Variants in HYDIN observed in about 807,000 individuals in gnomAD.
HYDIN encodes the protein HYDIN axonemal central pair apparatus protein, also known as axonemal central pair apparatus protein HYDIN.
A neutral mutation model predicts 403.9 loss-of-function variants in HYDIN; 132 were observed. The observed-to-expected ratio is 0.33, with a 90% CI of 0.28 to 0.38. The LOEUF is 0.38. Ranked by LOEUF, HYDIN falls within the 10% of genes least tolerant of loss-of-function variation. HYDIN has a pLI of 1.00. For synonymous variants in HYDIN, 1,202 were observed against 1,891.7 expected (o/e 0.64, Z 9.46); for missense variants, 2,827 against 5,009.5 (o/e 0.56, Z 13.15).
Position 70,868,758 on chromosome 16 carries a change from C to A in HYDIN, c.11122G>T (p.Asp3708Tyr), listed in dbSNP as rs765502589. Residue 3708 changes from aspartate to tyrosine, a missense_variant, in exon 66 of 86, where the codon GAC (aspartate) becomes TAC (tyrosine). Transcript: ENST00000393567. The stretch of plus-strand genomic sequence containing the variant: ...TCTGACTTCATGGTCACCACTATGT[C>A]CTTGGCACACCCAGGGTGGAGGTGG... ...MGHLHPGCAK[D>Y]IVVTMKSDVP... 2 of 1,613,946 alleles carry A rather than the reference C, an allele frequency of 1.2e-6. No individual in the cohort carries two copies. Among genetic ancestry groups the A allele is most frequent in the Non-Finnish European group, 1.7e-6 (2 of 1,179,962 alleles).
intron 77 of HYDIN, among the ~76,000 whole-genome samples, chr16:70,836,264 G>A (rs1240470995): frequency 1.3e-5 from 2 of 152,214 alleles, no homozygotes; most frequent in Non-Finnish European, 1.5e-5. Context: ...GCCAGAGGGA[G>A]TGGCCCAGTG....
In HYDIN at chr16:71,024,911, T is replaced by C. The variant is rs567788180; in HGVS notation, c.3186+472A>G. On this transcript the variant is annotated intron_variant, in intron 21 of 85. Coordinates refer to ENST00000393567, the MANE Select transcript of HYDIN (RefSeq NM_001270974.2). ...TCACATCACACGTCATTTCCTTGTG[T>C]GATAACAGAACCTGCTGCATACGGT... Among the ~76,000 whole-genome samples, 52 of 152,360 alleles carry C rather than the reference T, an allele frequency of 3.4e-4. No homozygotes were observed. The South Asian group carries it at 9.7e-3, about 29-fold the overall frequency.
At chr16:70,820,110 G>A (rs1266262389) in intron 83 of HYDIN, among the ~76,000 whole-genome samples, 2 of 148,300 alleles carry the variant, frequency 1.3e-5, no homozygotes, top group African/African-American at 5.0e-5. Context: ...TTGAGCCACC[G>A]CGCCTGGCCT....
chr16:70,894,371 T>C, intron 55 of HYDIN, 78 bp downstream of exon 55: 2 of 1,596,656 alleles, frequency 1.3e-6, no homozygotes, highest in Middle Eastern at 1.7e-4. Context: ...TCAGGTTACC[T>C]GAACACGATC....
At chr16:70,927,389 A>G in intron 45 of HYDIN, among the ~76,000 whole-genome samples, 1 of 136,750 alleles carries the variant, frequency 7.3e-6, no homozygotes, top group East Asian at 2.1e-4. Context: ...TATCACTGCC[A>G]TGGCAACACC....
chr16:71,067,817 T>C (rs2082326604), intron 14 of HYDIN, among the ~76,000 whole-genome samples: 1 of 151,948 alleles, frequency 6.6e-6, no homozygotes, highest in Non-Finnish European at 1.5e-5. Flanking sequence ...TAAATGGAAA[T>C]AACCATGTCA....
At chr16:71,124,247 C>A (rs1267000939) in intron 9 of HYDIN, among the ~76,000 whole-genome samples, 3 of 152,238 alleles carry the variant, frequency 2.0e-5, no homozygotes, top group Admixed American at 2.0e-4. Context: ...GAGAAGGTGA[C>A]GGAAGGGACA....
In HYDIN at chr16:70,805,569, G is replaced by C. The variant is rs1484869655; in HGVS notation, c.*2011C>G. Among the ~76,000 whole-genome samples the C allele has an allele frequency of 6.6e-6, 1 of 152,204 alleles. No individual in the cohort carries two copies. The highest frequency in any genetic ancestry group is 1.9e-4 in the East Asian group (1 of 5,192). ...GGGGCTCAGCAATCTGTTTCAGTAA[G>C]CCCTCCAGGGGATGCTGATGTATAC... On this transcript the variant is annotated 3_prime_UTR_variant, in exon 86 of 86. Coordinates refer to ENST00000393567, the MANE Select transcript of HYDIN (RefSeq NM_001270974.2).
intron 41 of HYDIN, among the ~76,000 whole-genome samples, chr16:70,951,277 AGAGGGAGAGAGG>A (rs1227514004): frequency 9.0e-5 from 13 of 144,678 alleles, no homozygotes; most frequent in African/African-American, 3.5e-4. Context: ...AGAGAGAGAG[AGAGGGAGAGAGG>A]GAGAGAGAGA....
At chr16:71,030,011 C>A (rs181195709) in intron 19 of HYDIN, among the ~76,000 whole-genome samples, 86 of 152,274 alleles carry the variant, frequency 5.6e-4, no homozygotes, top group South Asian at 1.9e-3. Context: ...AGAATCCCCA[C>A]ACATACCCTC....
At position 70,868,612 on chromosome 16, in the gene HYDIN, G is replaced by A. The variant is rs374535957; in HGVS notation, c.11268C>T (p.Asp3756=). The A allele has an allele frequency of 1.2e-4, 193 of 1,613,606 alleles. No individual in the cohort carries two copies. The East Asian group carries it at 2.1e-3, about 17-fold the overall frequency. Residue 3756 remains aspartate (D), a synonymous_variant, in exon 66 of 86, where the codon GAC becomes GAT. Coordinates refer to ENST00000393567, the MANE Select transcript of HYDIN (RefSeq NM_001270974.2). Reference sequence around the variant, plus strand: ...AAGTCCCAGGCATGTTTCTGGGTACGTCCACCCACTTGACTGTGTGCATGC... The same window carrying A: ...AAGTCCCAGGCATGTTTCTGGGTACATCCACCCACTTGACTGTGTGCATGC... ...DDRMHTVKWV[D]VPRNMPGTFT... is the part of the protein sequence containing the mutation.
intron 41 of HYDIN, among the ~76,000 whole-genome samples, chr16:70,949,457 A>G (rs1378099986): frequency 1.3e-5 from 2 of 152,174 alleles, no homozygotes; most frequent in East Asian, 3.8e-4. Context: ...TTAAAGTATA[A>G]TAATAAAAAA....
chr16:71,033,188 A>G (rs1022470342), intron 18 of HYDIN, among the ~76,000 whole-genome samples: 2 of 152,194 alleles, frequency 1.3e-5, no homozygotes, highest in Non-Finnish European at 2.9e-5. Context: ...ACAAAAATGG[A>G]ATTCATAAGG....
chr16:71,206,202 G>T (rs1029981998), intron 1 of HYDIN, among the ~76,000 whole-genome samples: 1 of 152,180 alleles, frequency 6.6e-6, no homozygotes, highest in African/African-American at 2.4e-5. Context: ...ATGAACAGCA[G>T]ATTAGGGCTG....
In HYDIN at chr16:71,050,019, CTGGT is replaced by C. The variant is rs1458902524; in HGVS notation, c.2529+10481_2529+10484del. Among the ~76,000 whole-genome samples the C allele has an allele frequency of 4.7e-5, 7 of 149,022 alleles. No homozygotes were observed. In the East Asian group the frequency reaches 1.2e-3, roughly 25 times the overall value. On this transcript the variant is annotated intron_variant, in intron 18 of 85. Transcript: ENST00000393567. ...ATAATATATATATAATATACACACA[CTGGT>C]TGGGGTGTGTGTGTGTGTGTGGGTG...
At chr16:70,907,926 T>C (rs867881778) in intron 49 of HYDIN, among the ~76,000 whole-genome samples, 13 of 151,842 alleles carry the variant, frequency 8.6e-5, no homozygotes, top group Non-Finnish European at 4.4e-5. Context: ...CCATGCAGAG[T>C]CACACATGGT....
At chr16:71,224,640 C>CAAG (rs1211351059) in intron 1 of HYDIN, among the ~76,000 whole-genome samples, 1 of 144,930 alleles carries the variant, frequency 6.9e-6, no homozygotes, top group Non-Finnish European at 1.5e-5. Context: ...CGGCTCACTG[C>CAAG]AAGCTCCGCC....
chr16:70,831,555 C>CAAAAAAAAAAAAAA (rs2036997975), intron 80 of HYDIN, among the ~76,000 whole-genome samples: 1 of 92,990 alleles, frequency 1.1e-5, no homozygotes, highest in Non-Finnish European at 2.2e-5. Context: ...AAGAAACAAA[C>CAAAAAAAAAAAAAA]AGAAGATGAG....
In HYDIN at chr16:71,230,637, G is replaced by A; in HGVS notation, c.-99C>T. On this transcript the variant is annotated 5_prime_UTR_variant, in exon 1 of 86. Coordinates refer to ENST00000393567, the MANE Select transcript of HYDIN (RefSeq NM_001270974.2). ...ACCCCGCGTCCAACTCACAGACCCC[G>A]CCGCCGCTGAGGGGCTCCATACCCA... 3 of 1,535,912 alleles carry A rather than the reference G, an allele frequency of 2.0e-6. No homozygotes were observed. Among genetic ancestry groups the A allele is most frequent in the Non-Finnish European group, 2.6e-6 (3 of 1,146,788 alleles).
Sources: allele counts gnomAD v4.1 joint callset (sites outside exome capture counted in the v4.1 genomes callset), GRCh38; gene constraint gnomAD v4.1.1; transcripts MANE v1.5; gene names NCBI Gene and HGNC (gene_info 2026-07-23, HGNC 2026-07-21).